RBFOX1: variants seen among roughly 807,000 people sequenced by gnomAD.
RBFOX1 encodes the protein RNA binding protein fox-1 homolog 1.
RBFOX1 carries 8 observed loss-of-function variants against 57.7 expected under a neutral mutation model. That is an observed-to-expected ratio of 0.14 (90% CI 0.08 to 0.25). RBFOX1 has a LOEUF of 0.25. Among genes scored for constraint, RBFOX1 ranks in the 10% least tolerant of loss-of-function variants. The pLI, the probability that RBFOX1 is intolerant of heterozygous loss-of-function variation, is 1.00. For synonymous variants in RBFOX1, 326 were observed against 222.4 expected (o/e 1.47, Z -4.15); for missense variants, 611 against 548.5 (o/e 1.11, Z -1.14).
At chr16:6,644,650 C>T (rs1289475615) in intron 2 of RBFOX1, among the ~76,000 whole-genome samples, 1 of 152,174 alleles carries the variant, frequency 6.6e-6, no homozygotes, top group Non-Finnish European at 1.5e-5. Flanking sequence ...CAAGTCTAAG[C>T]ATCCTGGTCT....
At chr16:7,660,861 G>T (rs1357001697) in intron 12 of RBFOX1, among the ~76,000 whole-genome samples, 1 of 152,194 alleles carries the variant, frequency 6.6e-6, no homozygotes, top group Non-Finnish European at 1.5e-5. Flanking sequence ...GCCTGCCATA[G>T]TACTTAAGAG....
chr16:7,532,659 C>T (rs3785262), intron 5 of RBFOX1, among the ~76,000 whole-genome samples: 6,227 of 152,246 alleles, frequency 0.041, 193 homozygotes, highest in East Asian at 0.12. Context: ...AGTAGCAAGG[C>T]TAGGAGTTGG....
chr16:5,244,784 C>A (rs1236083026), intron 1 of RBFOX1, among the ~76,000 whole-genome samples: 1 of 152,186 alleles, frequency 6.6e-6, no homozygotes, highest in Admixed American at 6.5e-5. Flanking sequence ...GGTTGGTGGA[C>A]GGTCCTTTGA....
chr16:7,132,644 C>G (rs892574204), intron 4 of RBFOX1, among the ~76,000 whole-genome samples: 1 of 151,500 alleles, frequency 6.6e-6, no homozygotes, highest in Non-Finnish European at 1.5e-5. Flanking sequence ...GAATAGTATT[C>G]AGCCCTGAAA....
At chr16:5,307,618 G>T (rs1274553181) in intron 1 of RBFOX1, among the ~76,000 whole-genome samples, 1 of 152,108 alleles carries the variant, frequency 6.6e-6, no homozygotes, top group Non-Finnish European at 1.5e-5. Flanking sequence ...CGGGAATTGT[G>T]CACACATGTG....
intron 5 of RBFOX1, among the ~76,000 whole-genome samples, chr16:7,521,728 C>T (rs1010800029): frequency 6.6e-6 from 1 of 152,126 alleles, no homozygotes; most frequent in Non-Finnish European, 1.5e-5. Flanking sequence ...TAGGAGAAAA[C>T]ATTTTCAAAA....
chr16:5,693,082 G>T (rs2050742195), intron 3 of RBFOX1, among the ~76,000 whole-genome samples: 1 of 152,152 alleles, frequency 6.6e-6, no homozygotes, highest in Non-Finnish European at 1.5e-5. Context: ...CAGTATTCTG[G>T]TTGCTATGGA....
At chr16:6,542,229 A>G (rs771398506) in intron 2 of RBFOX1, among the ~76,000 whole-genome samples, 2 of 151,972 alleles carry the variant, frequency 1.3e-5, no homozygotes, top group Non-Finnish European at 2.9e-5. Context: ...CCCCACCAAC[A>G]TCTATTTTAA....
intron 4 of RBFOX1, among the ~76,000 whole-genome samples, chr16:7,381,415 A>C (rs531015648): frequency 1.3e-5 from 2 of 152,196 alleles, no homozygotes; most frequent in African/African-American, 4.8e-5. Context: ...CCTAATTCCT[A>C]CTCTTCCTTT....
intron 5 of RBFOX1, among the ~76,000 whole-genome samples, chr16:7,532,343 G>C (rs950967416): frequency 6.6e-6 from 1 of 152,114 alleles, no homozygotes; most frequent in African/African-American, 2.4e-5. Flanking sequence ...GCCAGCTTCG[G>C]GGAGATGAGC....
intron 2 of RBFOX1, among the ~76,000 whole-genome samples, chr16:5,558,676 G>C (rs947588124): frequency 2.6e-5 from 4 of 152,066 alleles, no homozygotes; most frequent in African/African-American, 7.2e-5. Context: ...TCCTGCCATC[G>C]TCTCAGTCTT....
intron 4 of RBFOX1, among the ~76,000 whole-genome samples, chr16:7,475,094 A>G (rs1232332785): frequency 1.3e-5 from 2 of 152,102 alleles, no homozygotes; most frequent in African/African-American, 4.8e-5. Flanking sequence ...TTTAAAAGAG[A>G]CAGATGGGTG....
chr16:7,379,792 GCCTC>G (rs2097756421), intron 4 of RBFOX1, among the ~76,000 whole-genome samples: 1 of 149,378 alleles, frequency 6.7e-6, no homozygotes, highest in Non-Finnish European at 1.5e-5. Flanking sequence ...CTGCCTGCCT[GCCTC>G]CCTGCCTGCC....
intron 4 of RBFOX1, among the ~76,000 whole-genome samples, chr16:7,383,288 A>G (rs1269226715): frequency 6.6e-6 from 1 of 152,038 alleles, no homozygotes; most frequent in South Asian, 2.1e-4. Flanking sequence ...AAAACGTAAA[A>G]TGCAACAACA....
chr16:5,950,058 G>C (rs1431769461), intron 4 of RBFOX1, among the ~76,000 whole-genome samples: 1 of 152,224 alleles, frequency 6.6e-6, no homozygotes, highest in Admixed American at 6.5e-5. Flanking sequence ...TAATCAATCA[G>C]TGATAGATTT....
At chr16:5,470,146 C>G (rs1044130445) in intron 2 of RBFOX1, among the ~76,000 whole-genome samples, 12 of 152,224 alleles carry the variant, frequency 7.9e-5, no homozygotes, top group African/African-American at 2.9e-4. Context: ...GAGTGAGGAA[C>G]AGAGCCGAGG....
At chr16:6,960,371 G>C (rs1026319459) in intron 3 of RBFOX1, among the ~76,000 whole-genome samples, 1 of 152,102 alleles carries the variant, frequency 6.6e-6, no homozygotes, top group Non-Finnish European at 1.5e-5. Flanking sequence ...ATAAGCTCTG[G>C]AAAACTTTCT....
chr16:5,988,034 A>G (rs2060315947), intron 4 of RBFOX1, among the ~76,000 whole-genome samples: 1 of 152,132 alleles, frequency 6.6e-6, no homozygotes, highest in Non-Finnish European at 1.5e-5. Flanking sequence ...GTACTTCACC[A>G]GCTCTAGTTT....
chr16:7,556,325 T>C (rs2088467085), intron 5 of RBFOX1, among the ~76,000 whole-genome samples: 1 of 152,164 alleles, frequency 6.6e-6, no homozygotes, highest in African/African-American at 2.4e-5. Flanking sequence ...ATTTGCATGC[T>C]TCCCCTCCAT....
Sources: allele counts gnomAD v4.1 joint callset (sites outside exome capture counted in the v4.1 genomes callset), GRCh38; gene constraint gnomAD v4.1.1; transcripts MANE v1.5; gene names NCBI Gene and HGNC (gene_info 2026-07-23, HGNC 2026-07-21).